TOP1MT: variants seen among roughly 807,000 people sequenced by gnomAD.
TOP1MT encodes the protein DNA topoisomerase I mitochondrial.
TOP1MT carries 80 observed loss-of-function variants against 73.9 expected under a neutral mutation model. The observed-to-expected ratio is 1.08, with a 90% CI of 0.90 to 1.30. The LOEUF (loss-of-function observed/expected upper bound fraction) is 1.30. Among genes scored for constraint, TOP1MT ranks in the 50% most tolerant of loss-of-function variants. The pLI, the probability that TOP1MT is intolerant of heterozygous loss-of-function variation, is 0.00. For missense variants in TOP1MT, 815 were observed against 808.0 expected, an observed-to-expected ratio of 1.01 and a Z score of -0.10; for synonymous variants, 338 against 326.4, an observed-to-expected ratio of 1.04 and a Z score of -0.38.
upstream of TOP1MT, among the ~76,000 whole-genome samples, chr8:143,358,877 C>T (rs144646250): frequency 6.6e-6 from 1 of 152,210 alleles, no homozygotes; most frequent in Non-Finnish European, 1.5e-5. Context: ...TATTCCTGAC[C>T]CCATTACTAC....
intron 7 of TOP1MT, among the ~76,000 whole-genome samples, 177 bp from the exon 8 acceptor site, chr8:143,321,563 ACACGCACGCCACACAGGCACGCCACACG>A (rs1816368142): frequency 2.0e-5 from 2 of 99,456 alleles, no homozygotes; most frequent in African/African-American, 6.6e-5. Context: ...CACGCCACAC[ACACGCACGCCACACAGGCACGCCACACG>A]CACGCACGCC....
chr8:143,320,363 C>G (rs1193600926), intron 8 of TOP1MT, among the ~76,000 whole-genome samples: 2 of 152,110 alleles, frequency 1.3e-5, no homozygotes, highest in Non-Finnish European at 2.9e-5. Flanking sequence ...ATCTCCTGAC[C>G]TCGTGATCCA....
At chr8:143,358,103 TA>T (rs763293522), upstream of TOP1MT, among the ~76,000 whole-genome samples, 3 of 152,018 alleles carry the variant, frequency 2.0e-5, no homozygotes, top group Non-Finnish European at 4.4e-5. Flanking sequence ...AGTAATAATA[TA>T]AATAAATAAA....
chr8:143,338,641 A>T (rs908679126), upstream of TOP1MT, among the ~76,000 whole-genome samples: 1 of 152,254 alleles, frequency 6.6e-6, no homozygotes, highest in Admixed American at 6.5e-5. Flanking sequence ...ATGAGATATA[A>T]AAGGCCAACA....
chr8:143,353,310 G>A (rs1817351296), intron 1 of TOP1MT, among the ~76,000 whole-genome samples: 1 of 152,034 alleles, frequency 6.6e-6, no homozygotes, highest in Non-Finnish European at 1.5e-5. Flanking sequence ...CAGCTACTCA[G>A]GAGGCTGAAG....
upstream of TOP1MT, among the ~76,000 whole-genome samples, chr8:143,358,924 C>G (rs1817457582): frequency 1.3e-5 from 2 of 152,174 alleles, no homozygotes; most frequent in Non-Finnish European, 2.9e-5. Flanking sequence ...ATTAGCCGGT[C>G]TGGAGCATAT....
rs901815768 is a variant in TOP1MT at position 143,353,908 on chromosome 8, G to A, written c.-39+2057C>T. Among the ~76,000 whole-genome samples, 49 of 132,188 alleles carry A rather than the reference G, an allele frequency of 3.7e-4. No individual in the cohort carries two copies. The Admixed American group carries it at 4.2e-3, about 11-fold the overall frequency. The allele number at this position is 132,188 out of a possible 152,430, so 86.7% of individuals were successfully genotyped here. A position where few individuals can be genotyped will look rare whatever the true frequency, so the allele number is the denominator to read the frequency against. On this transcript the variant is annotated intron_variant, in intron 1 of 5. Coordinates refer to the TOP1MT transcript ENST00000518760. Reference sequence around the variant, plus strand: ...GAATCCAGGAGGCAGAGGTTGCAGTGAGCCGAGATCGCGCCACTGCACTCC... The same window carrying A: ...GAATCCAGGAGGCAGAGGTTGCAGTAAGCCGAGATCGCGCCACTGCACTCC...
intron 8 of TOP1MT, 139 bp from the exon 9 acceptor site, chr8:143,318,225 T>C (rs1816231315): frequency 1.5e-6 from 1 of 686,790 alleles, no homozygotes; most frequent in Non-Finnish European, 2.6e-6. Flanking sequence ...CCGTCACCTG[T>C]CGGCATCCTC....
At chr8:143,313,564 AAAAAT>A (rs1454118683) in intron 12 of TOP1MT, among the ~76,000 whole-genome samples, 4 of 149,642 alleles carry the variant, frequency 2.7e-5, no homozygotes, top group African/African-American at 9.9e-5. Context: ...AAAAAAAAAA[AAAAAT>A]AGGGCTGGGA....
chr8:143,321,294 G>A lies in TOP1MT; in HGVS notation c.1053C>T (p.His351=), dbSNP rs574493135. 2.8e-5 allele frequency: 45 copies of A among 1,612,636 alleles called. No homozygotes were observed. In the South Asian group the frequency reaches 4.6e-4, roughly 17 times the overall value. The stretch of plus-strand genomic sequence containing the variant: ...CGTGTTGGCAGCCATCGGCCTCCGG[G>A]TGCAGCTGGACGTGCTCCACGCGGA... The part of the protein sequence containing the change: ...CSLRVEHVQL[H]PEADGCQHVV... Residue 351 remains histidine, a synonymous_variant, in exon 8 of 14, where the codon CAC becomes CAT. Coordinates refer to ENST00000329245, the MANE Select transcript of TOP1MT (RefSeq NM_052963.3).
chr8:143,331,267 G>A lies in TOP1MT; in HGVS notation c.195C>T (p.Pro65=). Residue 65 remains proline, a synonymous_variant, in exon 2 of 14, where the codon CCC becomes CCT. Transcript: ENST00000329245. ...CTCCGTCGGGAAGGGGCTCGTATGG[G>A]GGTGCGAAGTACGGGCCCTTGTGCT... The part of the protein sequence containing the change: ...QLEHKGPYFA[P]PYEPLPDGVR... The A allele has an allele frequency of 6.2e-7, 1 of 1,612,430 alleles. No homozygotes were observed. The highest frequency in any genetic ancestry group is 8.5e-7 in the Non-Finnish European group (1 of 1,178,742).
intron 13 of TOP1MT, 81 bp downstream of exon 13, chr8:143,309,987 C>T (rs751280582): frequency 1.3e-6 from 2 of 1,597,414 alleles, no homozygotes; most frequent in Admixed American, 1.7e-5. Flanking sequence ...AAGGGCAATG[C>T]TGGGACTGAA....
intron 12 of TOP1MT, among the ~76,000 whole-genome samples, chr8:143,312,944 C>T (rs769278253): frequency 1.3e-5 from 2 of 152,022 alleles, no homozygotes; most frequent in Non-Finnish European, 2.9e-5. Flanking sequence ...CAGTTGTGGC[C>T]GTTGGCACCT....
intron 12 of TOP1MT, 23 bp from the exon 13 acceptor site, chr8:143,310,240 C>T (rs1160286425): frequency 5.4e-6 from 8 of 1,483,722 alleles, no homozygotes; most frequent in South Asian, 2.7e-5. Context: ...GAGGAGGCCG[C>T]GAGGCCCCGC....
chr8:143,313,550 CAAAAA>C (rs34073373), intron 12 of TOP1MT, among the ~76,000 whole-genome samples: 2 of 103,398 alleles, frequency 1.9e-5, no homozygotes. Flanking sequence ...ACTCCATCAC[CAAAAA>C]AAAAAAAAAA....
chr8:143,324,672 T>C (rs754491450), intron 5 of TOP1MT, 43 bp from the exon 6 acceptor site: 2 of 1,596,700 alleles, frequency 1.3e-6, no homozygotes, highest in East Asian at 4.5e-5. Context: ...GAGACCTTAT[T>C]CTCTGGAATG....
upstream of TOP1MT, among the ~76,000 whole-genome samples, chr8:143,348,613 G>T (rs573835874): frequency 3.3e-5 from 5 of 152,214 alleles, no homozygotes; most frequent in South Asian, 4.1e-4. The surrounding 1 kb of genome is among the most constrained non-coding windows in gnomAD (Gnocchi z 4.6). Context: ...GGGTGGGGGG[G>T]GGTGGGGGCC....
chr8:143,355,118 C>T (rs573300382), intron 1 of TOP1MT, among the ~76,000 whole-genome samples: 5 of 152,208 alleles, frequency 3.3e-5, no homozygotes, highest in East Asian at 3.9e-4. Context: ...CAGGAGAGTG[C>T]GGAAGCGGCA....
At chr8:143,322,335 C>T (rs1226294311) in intron 7 of TOP1MT, among the ~76,000 whole-genome samples, 4 of 102,758 alleles carry the variant, frequency 3.9e-5, no homozygotes, top group African/African-American at 1.2e-4. Context: ...GCATGCCACA[C>T]ACACAGGCAC....
Sources: gnomAD v4.1 joint callset for allele counts (sites outside exome capture counted in the v4.1 genomes callset) on GRCh38, gnomAD v4.1.1 for gene constraint, Gnocchi (gnomAD v3.1) non-coding constraint, MANE v1.5 for transcripts, NCBI Gene and HGNC (gene_info 2026-07-23, HGNC 2026-07-21) for gene names.